The following RBM6 variants were observed in gnomAD, a reference collection of about 807,000 sequenced individuals.
RBM6 encodes the protein RNA-binding protein 6.
A neutral mutation model predicts 140.4 loss-of-function variants in RBM6; 23 were observed. The ratio of observed to expected loss-of-function variants is 0.16; its 90% CI spans 0.12 to 0.23. The LOEUF (loss-of-function observed/expected upper bound fraction) is 0.23, where lower values mean the gene tolerates loss of function less well. RBM6 is among the 10% of genes least tolerant of loss of function. RBM6 has a pLI of 1.00. For missense variants in RBM6, 1,139 were observed against 1,386.7 expected (o/e 0.82, Z 2.84); for synonymous variants, 439 against 475.6 (o/e 0.92, Z 1.00).
At chr3:50,052,246 A>G (rs1349112720) in intron 7 of RBM6, among the ~76,000 whole-genome samples, 1 of 152,088 alleles carries the variant, frequency 6.6e-6, no homozygotes, top group Non-Finnish European at 1.5e-5. Context: ...TGTATTTTTA[A>G]TAGAGATGAG....
At chr3:49,956,488 A>G (rs1009441690) in intron 1 of RBM6, among the ~76,000 whole-genome samples, 18 of 150,628 alleles carry the variant, frequency 1.2e-4, no homozygotes, top group African/African-American at 3.9e-4. Flanking sequence ...GCTTGCCACC[A>G]TGCCTGGCTA....
chr3:49,949,515 C>G (rs769397879), intron 1 of RBM6, among the ~76,000 whole-genome samples: 10 of 152,108 alleles, frequency 6.6e-5, no homozygotes, highest in Non-Finnish European at 1.5e-4. Flanking sequence ...GCCTCAGCCT[C>G]CCGAGTAGCT....
At chr3:50,017,154 A>G (rs553355373) in intron 6 of RBM6, among the ~76,000 whole-genome samples, 1 of 152,186 alleles carries the variant, frequency 6.6e-6, no homozygotes, top group South Asian at 2.1e-4. Flanking sequence ...TAATTCTCTG[A>G]TAATTATTGA....
intron 3 of RBM6, among the ~76,000 whole-genome samples, chr3:49,970,983 T>C (rs1052168960): frequency 6.6e-6 from 1 of 151,618 alleles, no homozygotes; most frequent in Non-Finnish European, 1.5e-5. Context: ...TAACAAAAAT[T>C]AGGCCAGGCG....
intron 5 of RBM6, among the ~76,000 whole-genome samples, chr3:49,989,415 T>A (rs2085713120): frequency 6.6e-6 from 1 of 151,684 alleles, no homozygotes; most frequent in Admixed American, 6.6e-5. Flanking sequence ...TCTCTACTAA[T>A]AAAACAAAAA....
At chr3:50,076,971 T>C (rs2090481950) in intron 20 of RBM6, 37 bp from the exon 21 acceptor site, 1 of 1,584,890 alleles carries the variant, frequency 6.3e-7, no homozygotes, top group Admixed American at 1.9e-5. Flanking sequence ...CTAATTAATC[T>C]ATAGGGCCCA....
At chr3:50,008,700 T>TA (rs759318801) in intron 6 of RBM6, among the ~76,000 whole-genome samples, 18 of 152,052 alleles carry the variant, frequency 1.2e-4, no homozygotes, top group Non-Finnish European at 2.1e-4. Flanking sequence ...ATTACGGGCA[T>TA]ACACCACCAC....
chr3:50,049,611 T>C (rs2108884075), intron 7 of RBM6, among the ~76,000 whole-genome samples: 1 of 152,272 alleles, frequency 6.6e-6, no homozygotes, highest in Middle Eastern at 3.4e-3. Flanking sequence ...GAATTGACAT[T>C]GTGTTAGTCT....
intron 17 of RBM6, among the ~76,000 whole-genome samples, chr3:50,067,552 C>T (rs2108940322): frequency 6.6e-6 from 1 of 152,320 alleles, no homozygotes; most frequent in Non-Finnish European, 1.5e-5. Context: ...GTGCAGTTTT[C>T]ACCATAGGTG....
At chr3:50,006,450 C>G (rs530946991) in intron 6 of RBM6, among the ~76,000 whole-genome samples, 1 of 151,920 alleles carries the variant, frequency 6.6e-6, no homozygotes, top group Non-Finnish European at 1.5e-5. Context: ...GATTGAGACT[C>G]GACTGGACAT....
At chr3:50,056,292 G>GT (rs992637366) in intron 8 of RBM6, among the ~76,000 whole-genome samples, 55 of 150,776 alleles carry the variant, frequency 3.6e-4, no homozygotes, top group African/African-American at 7.8e-4. Context: ...ATAGTTTTTT[G>GT]TTTTTTTTCT....
Position 50,061,314 on chromosome 3 carries a change from C to T in RBM6, c.2353+93C>T. On this transcript the variant is annotated intron_variant, in intron 13 of 20. Transcript: ENST00000266022. The stretch of plus-strand genomic sequence containing the variant: ...GTGTGATCACAGTTGGCAAGATACA[C>T]TGTTGACTGAGGGTGCTCATCCAGA... The T allele has an allele frequency of 3.8e-6, 6 of 1,599,032 alleles. No homozygotes were observed. The South Asian group carries it at 4.5e-5, about 12-fold the overall frequency.
chr3:49,954,474 G>T (rs539728227), intron 1 of RBM6, among the ~76,000 whole-genome samples: 3 of 151,906 alleles, frequency 2.0e-5, no homozygotes, highest in African/African-American at 7.2e-5. Context: ...TGAAGACAAG[G>T]TCTCAATATT....
intron 1 of RBM6, among the ~76,000 whole-genome samples, chr3:49,949,263 G>GATT (rs2083626275): frequency 1.3e-5 from 2 of 151,922 alleles, no homozygotes; most frequent in Non-Finnish European, 2.9e-5. Flanking sequence ...AATAGGTCTT[G>GATT]TTGATTCTTC....
At chr3:50,047,963 G>A (rs2089296510) in intron 6 of RBM6, among the ~76,000 whole-genome samples, 1 of 152,176 alleles carries the variant, frequency 6.6e-6, no homozygotes, top group South Asian at 2.1e-4. Context: ...CTCTGGACAA[G>A]TAGACTGGGC....
intron 1 of RBM6, among the ~76,000 whole-genome samples, chr3:49,943,467 A>AT (rs2083369532): frequency 6.6e-6 from 1 of 151,788 alleles, no homozygotes; most frequent in Admixed American, 6.6e-5. Flanking sequence ...CAACCAGCTA[A>AT]TTTTTTTGTT....
intron 1 of RBM6, among the ~76,000 whole-genome samples, chr3:49,947,358 T>C (rs543894196): frequency 6.7e-6 from 1 of 149,388 alleles, no homozygotes; most frequent in African/African-American, 2.4e-5. Flanking sequence ...TGAGCCCAGG[T>C]GTTTGAGGGT....
rs542672737 is a variant in RBM6, at chr3:49,987,559, C to T, written c.1484-11881C>T. Among the ~76,000 whole-genome samples the T allele has an allele frequency of 2.6e-4, 40 of 152,070 alleles. No homozygotes were observed. The East Asian group carries it at 7.2e-3, about 27-fold the overall frequency. ...CTTGATCTCCTGACCTCAAGTGATC[C>T]GCCCACCTCGACCTCCCAAAGTCCT... On this transcript the variant is annotated intron_variant, in intron 5 of 20. Coordinates refer to ENST00000266022, the MANE Select transcript of RBM6 (RefSeq NM_005777.3).
chr3:50,005,722 C>T (rs1256913594), intron 6 of RBM6, among the ~76,000 whole-genome samples: 1 of 152,146 alleles, frequency 6.6e-6, no homozygotes, highest in Non-Finnish European at 1.5e-5. Flanking sequence ...AAACAACTAT[C>T]ACCCCAAAAA....
Sources: allele counts gnomAD v4.1 joint callset (sites outside exome capture counted in the v4.1 genomes callset), GRCh38; gene constraint gnomAD v4.1.1; transcripts MANE v1.5; gene names NCBI Gene and HGNC (gene_info 2026-07-23, HGNC 2026-07-21).